Variants in MARK3 observed in about 807,000 individuals in gnomAD.
The protein encoded by MARK3 is MAP/microtubule affinity-regulating kinase 3.
MARK3 carries 46 observed loss-of-function variants against 90.1 expected under a neutral mutation model. That is an observed-to-expected ratio of 0.51 (90% CI 0.40 to 0.65). MARK3 has a LOEUF of 0.65. Ranked by LOEUF, MARK3 falls within the 30% of genes least tolerant of loss-of-function variation. The probability of loss-of-function intolerance (pLI) is 0.00; values close to 1 mark genes in which losing one functional copy is unlikely to be tolerated. For synonymous variants in MARK3, 321 were observed against 332.6 expected (o/e 0.97, Z 0.38); for missense variants, 818 against 947.2 (o/e 0.86, Z 1.79).
intron 5 of MARK3, among the ~76,000 whole-genome samples, chr14:103,454,989 G>A (rs2093242802): frequency 7.1e-6 from 1 of 141,814 alleles, no homozygotes; most frequent in Non-Finnish European, 1.6e-5. Flanking sequence ...TGCTTAACCT[G>A]AATGTTAATA....
intron 3 of MARK3, among the ~76,000 whole-genome samples, chr14:103,437,465 T>C (rs964104004): frequency 1.3e-4 from 20 of 152,212 alleles, no homozygotes; most frequent in African/African-American, 4.8e-4. Flanking sequence ...GTTTTTAGAA[T>C]TGAGGTCTCA....
chr14:103,413,065 GGTTTCTCCATGTTGGTCAGAC>G (rs1452233963), intron 2 of MARK3, among the ~76,000 whole-genome samples: 1 of 151,712 alleles, frequency 6.6e-6, no homozygotes, highest in African/African-American at 2.4e-5. Flanking sequence ...AGTAGAGACG[GGTTTCTCCATGTTGGTCAGAC>G]TGGTCTCAAA....
Position 103,468,196 on chromosome 14 carries a change from G to GGAGTATCCCAGTGCCTTCTCTTA in MARK3, c.1264+15_1264+37dup, listed in dbSNP as rs779343910. The GGAGTATCCCAGTGCCTTCTCTTA allele has an allele frequency of 5.0e-6, 8 of 1,611,620 alleles. No homozygotes were observed. The African/African-American group carries it at 9.4e-5, about 19-fold the overall frequency. On this transcript the variant is annotated intron_variant, in intron 12 of 17. Coordinates refer to ENST00000429436, the MANE Select transcript of MARK3 (RefSeq NM_001128918.3). ...CGCTACAGTGACCATGGTAAGTTTT[G>GGAGTATCCCAGTGCCTTCTCTTA]GAGTATCCCAGTGCCTTCTCTTAGA...
chr14:103,494,500 C>T (rs1412213084), intron 15 of MARK3, among the ~76,000 whole-genome samples: 3 of 138,414 alleles, frequency 2.2e-5, no homozygotes, highest in Admixed American at 1.6e-4. Flanking sequence ...GCCGAGGTCA[C>T]GCCATTGCAC....
intron 2 of MARK3, chr14:103,412,027 G>T: frequency 9.2e-6 from 3 of 325,196 alleles, no homozygotes; most frequent in Non-Finnish European, 5.5e-6. Context: ...AACAGAGCAT[G>T]AAATTTTGAT....
chr14:103,408,797 C>G (rs1595517303), intron 2 of MARK3, among the ~76,000 whole-genome samples: 1 of 152,222 alleles, frequency 6.6e-6, no homozygotes, highest in East Asian at 1.9e-4. Flanking sequence ...TGCCTTTTGA[C>G]AATTCATTAA....
intron 2 of MARK3, among the ~76,000 whole-genome samples, chr14:103,424,542 A>AAAC (rs10687767): frequency 0.97 from 145,791 of 150,762 alleles, 70,651 homozygotes; most frequent in East Asian, 1. Flanking sequence ...AAAAAACAAA[A>AAAC]AAAAGAATCT....
intron 14 of MARK3, 160 bp from the exon 15 acceptor site, chr14:103,491,617 C>G: frequency 1.5e-6 from 1 of 654,574 alleles, no homozygotes; most frequent in South Asian, 1.9e-5. Context: ...TTTTGGTACC[C>G]TTTCCCACTT....
At chr14:103,469,615 G>A (rs1030950527) in intron 12 of MARK3, among the ~76,000 whole-genome samples, 1 of 151,812 alleles carries the variant, frequency 6.6e-6, no homozygotes, top group Non-Finnish European at 1.5e-5. Context: ...CACCACACCT[G>A]GCCAATATTG....
chr14:103,457,131 C>G lies in MARK3; in HGVS notation c.413-11C>G, dbSNP rs374929121. 3.2e-6 allele frequency: 5 copies of G among 1,544,766 alleles called. No individual in the cohort carries two copies. In the South Asian group the frequency reaches 5.7e-5, roughly 17 times the overall value. On this transcript the variant is annotated splice_polypyrimidine_tract_variant and intron_variant, in intron 5 of 17. Transcript: ENST00000429436. ...AGGATTTCTACTTACTTTTATTTCT[C>G]TCACCTATAGGTGAAGTATTTGACT...
intron 1 of MARK3, among the ~76,000 whole-genome samples, chr14:103,399,931 C>A (rs1040850505): frequency 4.5e-4 from 18 of 39,822 alleles, no homozygotes; most frequent in Middle Eastern, 0.014. Flanking sequence ...CTTACCCCCC[C>A]ACCCTCCTTT....
In MARK3 at chr14:103,464,071, C is replaced by A. The variant is rs566686301; in HGVS notation, c.541-1486C>A. On this transcript the variant is annotated intron_variant, in intron 7 of 17. Transcript: ENST00000429436. ...CACTTCATCTGGGAAGCCATTCACA[C>A]CTTTCAGTGCCAACCCACAACTCCC... 2.8e-4 allele frequency among the ~76,000 whole-genome samples: 42 copies of A among 152,302 alleles called. 1 individual carries two copies. The South Asian group carries it at 2.9e-3, about 11-fold the overall frequency.
chr14:103,387,486 A>G (rs983178570), intron 1 of MARK3, among the ~76,000 whole-genome samples: 2 of 151,932 alleles, frequency 1.3e-5, no homozygotes, highest in Non-Finnish European at 2.9e-5. Flanking sequence ...TTGTTTATTT[A>G]TTTATTTATT....
chr14:103,470,850 C>A (rs2093614708), intron 12 of MARK3, among the ~76,000 whole-genome samples: 1 of 152,182 alleles, frequency 6.6e-6, no homozygotes, highest in African/African-American at 2.4e-5. Flanking sequence ...TAGGTGTGGA[C>A]AGCTTTGATT....
At chr14:103,428,790 T>C (rs866045962) in intron 3 of MARK3, among the ~76,000 whole-genome samples, 2 of 152,334 alleles carry the variant, frequency 1.3e-5, no homozygotes, top group Non-Finnish European at 2.9e-5. Flanking sequence ...GTAATTGATA[T>C]TGTGCAAATT....
intron 12 of MARK3, among the ~76,000 whole-genome samples, chr14:103,472,293 G>A (rs574357420): frequency 6.6e-5 from 10 of 151,578 alleles, no homozygotes; most frequent in Non-Finnish European, 1.5e-4. Flanking sequence ...AACTTGGACT[G>A]GTGAAGGTGT....
In MARK3 at chr14:103,491,925, G is replaced by T; in HGVS notation, c.1735G>T (p.Gly579Cys). The T allele has an allele frequency of 1.9e-6, 3 of 1,614,072 alleles. No individual in the cohort carries two copies. The highest frequency in any genetic ancestry group is 2.5e-6 in the Non-Finnish European group (3 of 1,180,020). ...GGAACGGCGAACCGCAACATATAATGGCCCTCCTGCCTCTCCCAGCCTGTC... is the reference window on the plus strand; with the variant it reads ...GGAACGGCGAACCGCAACATATAATTGCCCTCCTGCCTCTCCCAGCCTGTC... ...PRERRTATYN[G>C]PPASPSLSHE... Residue 579 changes from glycine (G) to cysteine (C), a missense_variant, in exon 15 of 18, where the codon GGC becomes TGC. Physicochemically the swap from Gly to Cys is radical, Grantham distance 159. Coordinates refer to ENST00000429436, the MANE Select transcript of MARK3 (RefSeq NM_001128918.3).
At chr14:103,435,125 G>T (rs541247959) in intron 3 of MARK3, among the ~76,000 whole-genome samples, 13 of 152,150 alleles carry the variant, frequency 8.5e-5, no homozygotes, top group Non-Finnish European at 1.5e-4. Flanking sequence ...GTGGTCTGTC[G>T]TGTAATGACT....
chr14:103,484,185 T>C (rs1175152690), intron 14 of MARK3, among the ~76,000 whole-genome samples: 1 of 150,944 alleles, frequency 6.6e-6, no homozygotes, highest in Non-Finnish European at 1.5e-5. Flanking sequence ...TCTTTTTTTC[T>C]TTTTTTTTCT....
Sources: allele counts gnomAD v4.1 joint callset (sites outside exome capture counted in the v4.1 genomes callset), GRCh38; gene constraint gnomAD v4.1.1; transcripts MANE v1.5; gene names NCBI Gene and HGNC (gene_info 2026-07-23, HGNC 2026-07-21).